Variants in RORA observed in about 807,000 individuals in gnomAD.
RORA encodes RAR related orphan receptor A, also known as nuclear receptor ROR-alpha.
A neutral mutation model predicts 69.5 loss-of-function variants in RORA; 7 were observed. The observed-to-expected ratio is 0.10, with a 90% CI of 0.06 to 0.19. The LOEUF is 0.19. Ranked by LOEUF, RORA falls within the 10% of genes least tolerant of loss-of-function variation. The pLI is 1.00. For synonymous variants in RORA, 261 were observed against 240.8 expected (o/e 1.08, Z -0.78); for missense variants, 457 against 663.0 (o/e 0.69, Z 3.41).
At chr15:61,137,720 C>T (rs2079258966) in intron 1 of RORA, among the ~76,000 whole-genome samples, 1 of 152,130 alleles carries the variant, frequency 6.6e-6, no homozygotes, top group East Asian at 1.9e-4. Flanking sequence ...TCTTGCTGAA[C>T]AATCAATTTG....
intron 1 of RORA, among the ~76,000 whole-genome samples, chr15:61,074,916 G>T (rs747245808): frequency 2.0e-5 from 3 of 151,814 alleles, no homozygotes; most frequent in Non-Finnish European, 4.4e-5. Context: ...ATGAAATCCC[G>T]TCTCTACTAA....
intron 1 of RORA, among the ~76,000 whole-genome samples, chr15:60,982,319 G>A (rs1894067751): frequency 6.6e-6 from 1 of 152,174 alleles, no homozygotes; most frequent in African/African-American, 2.4e-5. Flanking sequence ...ACATGTGAAT[G>A]TTCTTCTAAA....
Position 60,511,397 on chromosome 15 carries a change from C to G in RORA, c.649G>C (p.Ala217Pro). Residue 217 changes from alanine to proline, a missense_variant, in exon 5 of 11, where the codon GCC becomes CCC. Ala to Pro is a conservative substitution (Grantham distance 27, BLOSUM62 -1). Around this residue, in one of 3 missense-constraint regions of RORA, gnomAD observed 304 missense variants for 447.4 expected, o/e 0.68. Coordinates refer to ENST00000335670, the MANE Select transcript of RORA (RefSeq NM_134261.3). The surrounding 1 kb of genome is among the most constrained non-coding windows in gnomAD (Gnocchi z 6.4). ...HTPEGSKADS[A>P]VSSFYLDIQP... The stretch of plus-strand genomic sequence containing the variant: ...ATGTCCAGGTAGAAGCTGCTGACGG[C>G]GGAGTCTGCCTTACTCCCCTCAGGG... The G allele has an allele frequency of 6.2e-7, 1 of 1,614,148 alleles. No individual in the cohort carries two copies. Among genetic ancestry groups the G allele is most frequent in the South Asian group, 1.1e-5 (1 of 91,080 alleles).
chr15:60,586,201 T>A (rs922600263), intron 2 of RORA, among the ~76,000 whole-genome samples: 4 of 152,200 alleles, frequency 2.6e-5, no homozygotes, highest in African/African-American at 7.2e-5. Context: ...CTAGCTGATG[T>A]TATCTTTAAA....
chr15:60,852,913 G>C (rs1336165748), intron 1 of RORA, among the ~76,000 whole-genome samples: 1 of 152,182 alleles, frequency 6.6e-6, no homozygotes, highest in Non-Finnish European at 1.5e-5. Context: ...ATGAATATGA[G>C]AAGGAAACAT....
intron 2 of RORA, among the ~76,000 whole-genome samples, chr15:60,569,794 C>T (rs921425359): frequency 3.3e-5 from 5 of 152,230 alleles, no homozygotes; most frequent in Admixed American, 6.5e-5. Context: ...CGACAAAGAA[C>T]GTACAGAGAG....
chr15:60,814,233 T>C (rs918951390), intron 1 of RORA, among the ~76,000 whole-genome samples: 4 of 152,168 alleles, frequency 2.6e-5, no homozygotes, highest in Admixed American at 6.5e-5. Flanking sequence ...CCTTGGCTCC[T>C]CCCCAAAACT....
At chr15:61,024,132 G>A (rs1895680122) in intron 1 of RORA, among the ~76,000 whole-genome samples, 1 of 152,022 alleles carries the variant, frequency 6.6e-6, no homozygotes, top group African/African-American at 2.4e-5. Flanking sequence ...TCAGTCTGCT[G>A]GGTTTCTCCA....
At chr15:60,556,406 T>C (rs1220365208) in intron 2 of RORA, among the ~76,000 whole-genome samples, 1 of 152,194 alleles carries the variant, frequency 6.6e-6, no homozygotes, top group East Asian at 1.9e-4. Context: ...AGCCATTTAT[T>C]CTCACCTCCA....
rs769229417 is a variant in RORA at position 60,514,634 on chromosome 15, C to T, written c.406G>A (p.Val136Ile). Residue 136 changes from valine to isoleucine, a missense_variant, in exon 4 of 11, where the codon GTA (valine) becomes ATA (isoleucine). Coordinates refer to ENST00000335670, the MANE Select transcript of RORA (RefSeq NM_134261.3). ...AGCTCACCATCTCGAGACATCCCTACGGCAAGGCATTTCTGTAATCGACAG... is the reference window on the plus strand; with the variant it reads ...AGCTCACCATCTCGAGACATCCCTATGGCAAGGCATTTCTGTAATCGACAG... ...QHCRLQKCLA[V>I]GMSRDAVKFG... is the part of the protein sequence containing the mutation. The T allele has an allele frequency of 6.2e-7, 1 of 1,614,070 alleles. No individual in the cohort carries two copies. Among genetic ancestry groups the T allele is most frequent in the South Asian group, 1.1e-5 (1 of 91,064 alleles).
intron 1 of RORA, among the ~76,000 whole-genome samples, chr15:60,845,506 G>A (rs1407652541): frequency 6.6e-6 from 1 of 152,172 alleles, no homozygotes; most frequent in Non-Finnish European, 1.5e-5. Context: ...CAGCTGGGAT[G>A]AGCTTCCGGG....
chr15:60,850,089 C>T (rs959419705), intron 1 of RORA, among the ~76,000 whole-genome samples: 7 of 152,156 alleles, frequency 4.6e-5, no homozygotes, highest in Non-Finnish European at 1.0e-4. Context: ...AACGCACAGG[C>T]TGCCAAATCC....
chr15:60,575,071 C>T lies in RORA; in HGVS notation c.197-43220G>A, dbSNP rs191038598. 1.8e-3 allele frequency among the ~76,000 whole-genome samples: 269 copies of T among 152,106 alleles called. 1 individual carries two copies. The highest frequency in any genetic ancestry group is 3.4e-3 in the Middle Eastern group (1 of 294). On this transcript the variant is annotated intron_variant, in intron 2 of 10. Coordinates refer to ENST00000335670, the MANE Select transcript of RORA (RefSeq NM_134261.3). Reference sequence around the variant, plus strand: ...GCCTTCAGCTAAACCAGAAGGCCACCGAGAGCCCTAAGAGAGGAGATGATA... The same window carrying T: ...GCCTTCAGCTAAACCAGAAGGCCACTGAGAGCCCTAAGAGAGGAGATGATA...
In RORA at chr15:60,537,004, A is replaced by G. The variant is rs1040443845; in HGVS notation, c.197-5153T>C. On this transcript the variant is annotated intron_variant, in intron 2 of 10. Coordinates refer to ENST00000335670, the MANE Select transcript of RORA (RefSeq NM_134261.3). This position sits in a 1 kb window ranked among gnomAD's most constrained non-coding sequence, Gnocchi z 4.9. Reference sequence around the variant, plus strand: ...AGAAAAACCAATAAAGATTAAAAAGAAAAACCCTAAGGCATTTGATTTTAT... The same window carrying G: ...AGAAAAACCAATAAAGATTAAAAAGGAAAACCCTAAGGCATTTGATTTTAT... Among the ~76,000 whole-genome samples, 2 of 152,264 alleles carry G rather than the reference A, an allele frequency of 1.3e-5. No homozygotes were observed. The highest frequency in any genetic ancestry group is 4.8e-5 in the African/African-American group (2 of 41,472).
At chr15:60,792,062 A>G (rs995963927) in intron 1 of RORA, among the ~76,000 whole-genome samples, 1 of 152,206 alleles carries the variant, frequency 6.6e-6, no homozygotes, top group Non-Finnish European at 1.5e-5. Flanking sequence ...ATATATACAT[A>G]ATAAATGAAC....
At chr15:61,081,897 T>C (rs945951214) in intron 1 of RORA, among the ~76,000 whole-genome samples, 1 of 151,968 alleles carries the variant, frequency 6.6e-6, no homozygotes, top group African/African-American at 2.4e-5. Flanking sequence ...TAACTAGGAT[T>C]TACAACCATT....
rs1567052492 is a variant in RORA at position 60,516,201 on chromosome 15, AT to A, written c.283-1445del. On this transcript the variant is annotated intron_variant, in intron 3 of 10. Coordinates refer to ENST00000335670, the MANE Select transcript of RORA (RefSeq NM_134261.3). The stretch of plus-strand genomic sequence containing the variant: ...TATATATATTTATATATATATTTAT[AT>A]ATATATTTATATATATATATTTATA... Among the ~76,000 whole-genome samples the A allele has an allele frequency of 4.2e-3, 132 of 31,254 alleles. 5 individuals are homozygous for A. Among genetic ancestry groups the A allele is most frequent in the African/African-American group, 0.032 (130 of 4,088 alleles). 20.5% of individuals were successfully genotyped at this position (31,254 alleles called of 152,430 possible).
chr15:61,076,959 T>C (rs1240456176), intron 1 of RORA, among the ~76,000 whole-genome samples: 1 of 151,832 alleles, frequency 6.6e-6, no homozygotes, highest in Non-Finnish European at 1.5e-5. Context: ...AGCCCTTAAT[T>C]GCTTCTTGAA....
At chr15:60,516,151 ATATATATATTTATATATATATTTATAT>A (rs2065919219) in intron 3 of RORA, among the ~76,000 whole-genome samples, 1 of 39,840 alleles carries the variant, frequency 2.5e-5, no homozygotes, top group Non-Finnish European at 4.7e-5. Context: ...ATATATTTAT[ATATATATATTTATATATATATTTATAT>A]ATATATTTAT....
Sources: gnomAD v4.1 joint callset for allele counts (sites outside exome capture counted in the v4.1 genomes callset) on GRCh38, gnomAD v4.1.1 for gene constraint, gnomAD v4.1.1 regional missense constraint, Gnocchi (gnomAD v3.1) non-coding constraint, MANE v1.5 for transcripts, NCBI Gene and HGNC (gene_info 2026-07-23, HGNC 2026-07-21) for gene names.